The following CCDC93 variants were observed in gnomAD, a reference collection of about 807,000 sequenced individuals.
The protein encoded by CCDC93 is CCC complex scaffolding subunit CCDC93, also known as coiled-coil domain-containing protein 93.
CCDC93 carries 61 observed loss-of-function variants against 108.2 expected under a neutral mutation model. The observed-to-expected ratio is 0.56, with a 90% CI of 0.46 to 0.70. The LOEUF (loss-of-function observed/expected upper bound fraction) is 0.70, where lower values mean the gene tolerates loss of function less well. CCDC93 is among the 30% of genes least tolerant of loss of function. The pLI is 0.00. For synonymous variants in CCDC93, 276 were observed against 260.4 expected, an observed-to-expected ratio of 1.06 and a Z score of -0.58; for missense variants, 685 against 764.2, an observed-to-expected ratio of 0.90 and a Z score of 1.22.
chr2:117,951,445 GT>G (rs1481044240), intron 13 of CCDC93: 1 of 985,624 alleles, frequency 1.0e-6, no homozygotes, highest in Admixed American at 6.1e-5. Context: ...GCTTTGTCAG[GT>G]TTACATCAAG....
At position 117,996,630 on chromosome 2, in the gene CCDC93, T is replaced by C. The variant is rs144117706; in HGVS notation, c.364-268A>G. On this transcript the variant is annotated intron_variant, in intron 4 of 23. Coordinates refer to ENST00000376300, the MANE Select transcript of CCDC93 (RefSeq NM_019044.5). ...CCTTGAGCCTCAGTTTTCCTTTCTG[T>C]AAAAGTATATCAGTTCCCTTCACCT... 12 of 298,258 alleles carry C rather than the reference T, an allele frequency of 4.0e-5. No individual in the cohort carries two copies. The East Asian group carries it at 7.9e-4, about 20-fold the overall frequency. 18.5% of individuals were successfully genotyped at this position (298,258 alleles called of 1,614,324 possible).
chr2:117,926,051 A>G lies in CCDC93; in HGVS notation c.1842+4986T>C, dbSNP rs1678081789. On this transcript the variant is annotated intron_variant, in intron 23 of 23. Transcript: ENST00000376300. ...CATAACGACATGAAGGTAGAGATAA[A>G]GATGTTCTTTGAAACCAACGAGAAC... is the stretch of plus-strand genomic sequence containing the variant. Among the ~76,000 whole-genome samples the G allele has an allele frequency of 2.0e-5, 3 of 152,362 alleles. No homozygotes were observed. The South Asian group carries it at 6.2e-4, about 32-fold the overall frequency.
At chr2:117,955,004 A>G (rs1466953947) in intron 12 of CCDC93, among the ~76,000 whole-genome samples, 1 of 152,186 alleles carries the variant, frequency 6.6e-6, no homozygotes, top group Non-Finnish European at 1.5e-5. Flanking sequence ...CTGTGAGTCA[A>G]TTAAACCTCT....
At chr2:117,962,612 C>G (rs891617345) in intron 11 of CCDC93, among the ~76,000 whole-genome samples, 5 of 152,144 alleles carry the variant, frequency 3.3e-5, no homozygotes, top group African/African-American at 4.8e-5. Flanking sequence ...CACTACACTC[C>G]AGCCTGGGCG....
chr2:117,943,977 A>C (rs1678785943), intron 18 of CCDC93, 47 bp downstream of exon 18: 2 of 1,290,536 alleles, frequency 1.5e-6, no homozygotes, highest in Admixed American at 4.3e-5. Flanking sequence ...GGACATTTAT[A>C]CCTAGTTAGA....
At chr2:117,920,797 C>A (rs909573402) in intron 23 of CCDC93, among the ~76,000 whole-genome samples, 10 of 152,150 alleles carry the variant, frequency 6.6e-5, no homozygotes, top group Admixed American at 5.9e-4. Flanking sequence ...CCCTAGTTTA[C>A]ATAGCAGGCA....
chr2:117,995,954 A>ATATTAT (rs746132603), intron 5 of CCDC93, among the ~76,000 whole-genome samples: 5 of 151,612 alleles, frequency 3.3e-5, no homozygotes, highest in Non-Finnish European at 7.4e-5. Flanking sequence ...GTTTTTAATT[A>ATATTAT]TATTATTATT....
chr2:117,952,478 T>G, intron 12 of CCDC93, 43 bp from the exon 13 acceptor site: 1 of 1,326,360 alleles, frequency 7.5e-7, no homozygotes, highest in Non-Finnish European at 1.1e-6. Flanking sequence ...ATTTGATCCT[T>G]ATGACAACAC....
At chr2:117,943,029 T>C (rs1177818683) in intron 18 of CCDC93, among the ~76,000 whole-genome samples, 1 of 152,200 alleles carries the variant, frequency 6.6e-6, no homozygotes, top group Non-Finnish European at 1.5e-5. Flanking sequence ...TGATACTAAG[T>C]TCCATCAGCT....
chr2:117,970,611 G>A (rs1029172550), intron 11 of CCDC93, among the ~76,000 whole-genome samples: 3 of 152,156 alleles, frequency 2.0e-5, no homozygotes, highest in Non-Finnish European at 4.4e-5. Flanking sequence ...CAAGGAAAAC[G>A]TTACTCGAGT....
Position 117,996,415 on chromosome 2 carries a change from G to C in CCDC93, c.364-53C>G, listed in dbSNP as rs371111833. On this transcript the variant is annotated intron_variant, in intron 4 of 23. Transcript: ENST00000376300. ...TTGCTAAGGACAACATCCCACTGAA[G>C]TGAAGGCCAGTTCAGACATGGCCCA... The C allele has an allele frequency of 8.1e-6, 10 of 1,239,030 alleles. No homozygotes were observed. The African/African-American group carries it at 1.0e-4, about 13-fold the overall frequency. The allele number at this position is 1,239,030 out of a possible 1,614,324, so 76.8% of individuals were successfully genotyped here. A position where few individuals can be genotyped will look rare whatever the true frequency, so the allele number is the denominator to read the frequency against.
At chr2:117,959,399 C>T (rs1355606842) in intron 11 of CCDC93, among the ~76,000 whole-genome samples, 2 of 152,144 alleles carry the variant, frequency 1.3e-5, no homozygotes, top group Non-Finnish European at 2.9e-5. Context: ...ACCCCAATTC[C>T]AAGCTAATCA....
At chr2:118,008,990 G>T in intron 1 of CCDC93, 1 of 192,350 alleles carries the variant, frequency 5.2e-6, no homozygotes, top group Non-Finnish European at 1.1e-5. Flanking sequence ...TCTAACCCAT[G>T]GTTTACTTTG....
intron 20 of CCDC93, among the ~76,000 whole-genome samples, chr2:117,937,316 G>A (rs1678556470): frequency 6.6e-6 from 1 of 152,152 alleles, no homozygotes; most frequent in East Asian, 1.9e-4. Flanking sequence ...ATACAGTCCT[G>A]GGAAGGGCTC....
chr2:117,926,536 C>A (rs1309878467), intron 23 of CCDC93, among the ~76,000 whole-genome samples: 2 of 152,150 alleles, frequency 1.3e-5, no homozygotes, highest in Non-Finnish European at 2.9e-5. Context: ...GGATAAATTC[C>A]TGGACACATA....
chr2:117,988,513 G>A (rs1313430573), intron 6 of CCDC93, among the ~76,000 whole-genome samples: 2 of 152,198 alleles, frequency 1.3e-5, no homozygotes, highest in Non-Finnish European at 2.9e-5. Context: ...TCAACAGGAA[G>A]CGATACTTTC....
chr2:117,933,492 A>C (rs1193926716), intron 22 of CCDC93, among the ~76,000 whole-genome samples: 1 of 152,166 alleles, frequency 6.6e-6, no homozygotes, highest in African/African-American at 2.4e-5. Flanking sequence ...AACTCCTCTG[A>C]GTGAGGTCGA....
chr2:117,948,319 G>T, intron 14 of CCDC93, 133 bp from the exon 15 acceptor site: 1 of 623,296 alleles, frequency 1.6e-6, no homozygotes, highest in Non-Finnish European at 2.8e-6. Flanking sequence ...GTGTCTCACA[G>T]ATTCTGCACA....
At chr2:117,963,317 A>C (rs1027832610) in intron 11 of CCDC93, among the ~76,000 whole-genome samples, 9 of 152,208 alleles carry the variant, frequency 5.9e-5, no homozygotes, top group Admixed American at 5.9e-4. Context: ...ATTAAATCTA[A>C]TCACTCTTTC....
Sources: allele counts gnomAD v4.1 joint callset (sites outside exome capture counted in the v4.1 genomes callset), GRCh38; gene constraint gnomAD v4.1.1; transcripts MANE v1.5; gene names NCBI Gene and HGNC (gene_info 2026-07-23, HGNC 2026-07-21).